VWA8: variants seen among roughly 807,000 people sequenced by gnomAD.
The protein encoded by VWA8 is von Willebrand factor A domain containing 8, also known as von Willebrand factor A domain-containing protein 8.
VWA8 carries 221 observed loss-of-function variants against 241.5 expected under a neutral mutation model. That is an observed-to-expected ratio of 0.91 (90% CI 0.82 to 1.02). The LOEUF (loss-of-function observed/expected upper bound fraction) is 1.02, where lower values mean the gene tolerates loss of function less well. Among genes scored for constraint, VWA8 ranks in the 50% least tolerant of loss-of-function variants. VWA8 has a pLI of 0.00. For missense variants in VWA8, 2,322 were observed against 2,328.7 expected, an observed-to-expected ratio of 1.00 and a Z score of 0.06; for synonymous variants, 852 against 827.1, an observed-to-expected ratio of 1.03 and a Z score of -0.52.
chr13:41,811,144 A>C, intron 17 of VWA8, 81 bp downstream of exon 17: 2 of 1,202,084 alleles, frequency 1.7e-6, no homozygotes, highest in Non-Finnish European at 2.4e-6. Context: ...AGAATTGGGA[A>C]TATGCACCAT....
At chr13:41,575,528 G>A (rs1008888240) in intron 43 of VWA8, among the ~76,000 whole-genome samples, 1 of 151,190 alleles carries the variant, frequency 6.6e-6, no homozygotes, top group African/African-American at 2.4e-5. Context: ...AAATCCAAGT[G>A]TCCTAAAAAT....
chr13:41,927,822 G>C (rs534564058), intron 2 of VWA8, among the ~76,000 whole-genome samples: 117 of 152,256 alleles, frequency 7.7e-4, no homozygotes, highest in South Asian at 6.2e-4. Flanking sequence ...TTAAAAAAAG[G>C]GGGGAATTCA....
At chr13:41,785,377 T>C (rs1306660004) in intron 18 of VWA8, among the ~76,000 whole-genome samples, 1 of 152,186 alleles carries the variant, frequency 6.6e-6, no homozygotes, top group Non-Finnish European at 1.5e-5. Context: ...ATTTAATATT[T>C]TGACTCCAAA....
chr13:41,605,228 C>T lies in VWA8; in HGVS notation c.4926G>A (p.Arg1642=), dbSNP rs1271238873. ...MSEYDAATYE[R]FSGAVRRQVH... is the part of the protein sequence containing the mutation. Reference sequence around the variant, plus strand: ...CCTGTCGCCGAACAGCACCTGAAAACCTTTCATAGGTTGCAGCATCGTATT... The same window carrying T: ...CCTGTCGCCGAACAGCACCTGAAAATCTTTCATAGGTTGCAGCATCGTATT... Residue 1642 remains arginine, a synonymous_variant, in exon 40 of 45, where the codon AGG becomes AGA. Coordinates refer to ENST00000379310, the MANE Select transcript of VWA8 (RefSeq NM_015058.2). 6.2e-7 allele frequency: 1 copy of T among 1,613,056 alleles called. No homozygotes were observed. The highest frequency in any genetic ancestry group is 1.3e-5 in the African/African-American group (1 of 74,846).
chr13:41,575,876 C>T (rs763128588), intron 42 of VWA8, 38 bp from the exon 43 acceptor site: 10 of 1,480,296 alleles, frequency 6.8e-6, no homozygotes, highest in Non-Finnish European at 9.3e-6. Flanking sequence ...AAACTTTTCT[C>T]CACAAAAGAA....
intron 34 of VWA8, among the ~76,000 whole-genome samples, chr13:41,686,643 T>G (rs2045138325): frequency 6.6e-6 from 1 of 152,166 alleles, no homozygotes; most frequent in African/African-American, 2.4e-5. Context: ...TTTCAGTATC[T>G]GTAATTCCCC....
At chr13:41,749,093 T>C (rs1235976523) in intron 21 of VWA8, among the ~76,000 whole-genome samples, 2 of 151,946 alleles carry the variant, frequency 1.3e-5, no homozygotes, top group African/African-American at 4.8e-5. Flanking sequence ...AGAAGAAAAT[T>C]TTTGCAATCT....
intron 10 of VWA8, among the ~76,000 whole-genome samples, chr13:41,867,466 C>A (rs569562902): frequency 6.0e-4 from 91 of 152,310 alleles, no homozygotes; most frequent in African/African-American, 2.0e-3. Context: ...CATCTCCTAG[C>A]TGCTGTCTCT....
chr13:41,909,350 G>C (rs776873786), intron 3 of VWA8, among the ~76,000 whole-genome samples: 1 of 152,164 alleles, frequency 6.6e-6, no homozygotes, highest in African/African-American at 2.4e-5. Flanking sequence ...ATGAGCCACC[G>C]CACCCAGTCT....
chr13:41,752,907 C>A (rs988705394), intron 21 of VWA8, among the ~76,000 whole-genome samples: 5 of 152,080 alleles, frequency 3.3e-5, no homozygotes, highest in Admixed American at 1.3e-4. Flanking sequence ...AAAACCCACG[C>A]CCTTTCTATC....
chr13:41,690,862 T>C (rs990708012), intron 32 of VWA8, among the ~76,000 whole-genome samples: 4 of 151,990 alleles, frequency 2.6e-5, no homozygotes, highest in African/African-American at 7.2e-5. Flanking sequence ...ATGGGTCAGA[T>C]AACATAAACA....
At chr13:41,668,790 GT>G (rs1472335861) in intron 37 of VWA8, among the ~76,000 whole-genome samples, 1 of 152,188 alleles carries the variant, frequency 6.6e-6, no homozygotes, top group Non-Finnish European at 1.5e-5. Context: ...ACAGACTCAT[GT>G]TTGAGTATGT....
chr13:41,823,331 C>G (rs1871041938), intron 14 of VWA8, among the ~76,000 whole-genome samples: 1 of 151,966 alleles, frequency 6.6e-6, no homozygotes, highest in Non-Finnish European at 1.5e-5. Flanking sequence ...TCAATAGCAA[C>G]AAATATAAAT....
At chr13:41,821,327 T>C (rs1870948938) in intron 14 of VWA8, among the ~76,000 whole-genome samples, 1 of 152,146 alleles carries the variant, frequency 6.6e-6, no homozygotes, top group South Asian at 2.1e-4. Context: ...GTATAATGAT[T>C]ATAAAAACAG....
chr13:41,892,207 T>C (rs928867046), intron 4 of VWA8, among the ~76,000 whole-genome samples: 1 of 152,182 alleles, frequency 6.6e-6, no homozygotes, highest in Non-Finnish European at 1.5e-5. Flanking sequence ...TGGAGAAAAT[T>C]AGGAAATAAA....
chr13:41,786,754 C>T (rs983383238), intron 18 of VWA8, among the ~76,000 whole-genome samples: 1 of 152,034 alleles, frequency 6.6e-6, no homozygotes, highest in Non-Finnish European at 1.5e-5. Flanking sequence ...CAAAGAAAGC[C>T]ACAACAGTCC....
chr13:41,811,201 C>A (rs750052909), intron 17 of VWA8, 24 bp downstream of exon 17: 1 of 1,569,008 alleles, frequency 6.4e-7, no homozygotes, highest in Non-Finnish European at 8.8e-7. Flanking sequence ...GAAACTTACA[C>A]GCAGTGAGAA....
At chr13:41,769,967 A>G (rs2045806999) in intron 20 of VWA8, among the ~76,000 whole-genome samples, 1 of 152,218 alleles carries the variant, frequency 6.6e-6, no homozygotes, top group Non-Finnish European at 1.5e-5. Flanking sequence ...AAAATACTAT[A>G]AAGTTCAGAA....
At chr13:41,881,735 C>T (rs1874211805) in intron 9 of VWA8, among the ~76,000 whole-genome samples, 1 of 146,780 alleles carries the variant, frequency 6.8e-6, no homozygotes, top group Non-Finnish European at 1.5e-5. Flanking sequence ...GGGGCTGACC[C>T]CCCCACCTCC....
Sources: allele counts gnomAD v4.1 joint callset (sites outside exome capture counted in the v4.1 genomes callset), GRCh38; gene constraint gnomAD v4.1.1; transcripts MANE v1.5; gene names NCBI Gene and HGNC (gene_info 2026-07-23, HGNC 2026-07-21).